The following CNTNAP5 variants were observed in gnomAD, a reference collection of about 807,000 sequenced individuals.
CNTNAP5 encodes contactin associated protein family member 5, also known as contactin-associated protein-like 5.
A neutral mutation model predicts 150.2 loss-of-function variants in CNTNAP5; 72 were observed. The ratio of observed to expected loss-of-function variants is 0.48; its 90% CI spans 0.40 to 0.58. The LOEUF is 0.58. CNTNAP5 is among the 20% of genes least tolerant of loss of function. CNTNAP5 has a pLI of 0.00. For synonymous variants in CNTNAP5, 672 were observed against 619.8 expected (o/e 1.08, Z -1.25); for missense variants, 1,636 against 1,626.2 (o/e 1.01, Z -0.10).
intron 6 of CNTNAP5, among the ~76,000 whole-genome samples, chr2:124,473,467 A>G (rs139523844): frequency 3.3e-5 from 5 of 152,210 alleles, no homozygotes; most frequent in African/African-American, 1.2e-4. Flanking sequence ...AGGATTAATA[A>G]TACTCTTCAC....
chr2:124,659,012 C>T (rs1349103404), intron 13 of CNTNAP5, among the ~76,000 whole-genome samples: 3 of 152,146 alleles, frequency 2.0e-5, no homozygotes, highest in Admixed American at 1.3e-4. Context: ...TTGGTTCAAG[C>T]ACTTGCTCCA....
intron 1 of CNTNAP5, among the ~76,000 whole-genome samples, chr2:124,092,844 C>T (rs1460138339): frequency 1.3e-5 from 2 of 152,062 alleles, no homozygotes; most frequent in Admixed American, 1.3e-4. Context: ...AAATAGTTCA[C>T]AATAATAAAT....
At chr2:124,616,093 A>G (rs1677488355) in intron 12 of CNTNAP5, among the ~76,000 whole-genome samples, 1 of 152,106 alleles carries the variant, frequency 6.6e-6, no homozygotes, top group African/African-American at 2.4e-5. Flanking sequence ...ATTCTTATGG[A>G]TCCTAGGATT....
chr2:124,712,750 T>C (rs1426349554), intron 13 of CNTNAP5, among the ~76,000 whole-genome samples: 2 of 152,018 alleles, frequency 1.3e-5, no homozygotes, highest in Non-Finnish European at 2.9e-5. Flanking sequence ...TCAGCCTTTT[T>C]TTTTTTTCTT....
chr2:124,571,547 T>TTTTTTTTTTTTTTTTTTTTTTTTC (rs1696160943), intron 11 of CNTNAP5, among the ~76,000 whole-genome samples: 1 of 134,388 alleles, frequency 7.4e-6, no homozygotes, highest in Non-Finnish European at 1.6e-5. Context: ...TTTTTTTTTT[T>TTTTTTTTTTTTTTTTTTTTTTTTC]TGAGACAGAG....
At chr2:124,096,237 G>A (rs1376945847) in intron 1 of CNTNAP5, among the ~76,000 whole-genome samples, 2 of 152,044 alleles carry the variant, frequency 1.3e-5, no homozygotes, top group East Asian at 1.9e-4. Flanking sequence ...GTGCTTAGAT[G>A]AATAACCTAC....
intron 3 of CNTNAP5, among the ~76,000 whole-genome samples, chr2:124,349,870 ATTTCTTTTT>A (rs1553460394): frequency 2.7e-5 from 1 of 36,428 alleles, no homozygotes; most frequent in East Asian, 9.3e-4. Flanking sequence ...ACTTCTGGCT[ATTTCTTTTT>A]TTTTTTTTTT....
At chr2:124,720,056 T>C (rs1379519463) in intron 13 of CNTNAP5, among the ~76,000 whole-genome samples, 1 of 152,140 alleles carries the variant, frequency 6.6e-6, no homozygotes, top group Non-Finnish European at 1.5e-5. Context: ...AGCCAGCCAG[T>C]ATGAATGAGA....
intron 10 of CNTNAP5, among the ~76,000 whole-genome samples, chr2:124,540,819 G>A (rs1231719058): frequency 6.6e-6 from 1 of 151,986 alleles, no homozygotes; most frequent in African/African-American, 2.4e-5. Context: ...CTCCATGGAA[G>A]GACACACATT....
At chr2:124,657,181 G>T (rs1281207339) in intron 13 of CNTNAP5, among the ~76,000 whole-genome samples, 3 of 152,102 alleles carry the variant, frequency 2.0e-5, no homozygotes, top group Non-Finnish European at 4.4e-5. Context: ...TAGCTTGGGG[G>T]CACACCTACT....
intron 13 of CNTNAP5, among the ~76,000 whole-genome samples, chr2:124,658,614 C>T (rs571918462): frequency 6.6e-6 from 1 of 152,234 alleles, no homozygotes; most frequent in East Asian, 1.9e-4. Context: ...AACATACTTT[C>T]CTTACCGTGG....
chr2:124,035,737 T>C (rs965901292), intron 1 of CNTNAP5, among the ~76,000 whole-genome samples: 2 of 152,018 alleles, frequency 1.3e-5, no homozygotes, highest in African/African-American at 4.8e-5. Flanking sequence ...ATGACCCAAG[T>C]TTATTAGCTT....
intron 10 of CNTNAP5, among the ~76,000 whole-genome samples, chr2:124,540,236 A>C (rs543942341): frequency 6.6e-6 from 1 of 152,304 alleles, no homozygotes; most frequent in Admixed American, 6.5e-5. Flanking sequence ...GTAGGGGGCT[A>C]TCCCTGCTTT....
chr2:124,387,569 C>T (rs1477491151), intron 3 of CNTNAP5, among the ~76,000 whole-genome samples: 1 of 151,708 alleles, frequency 6.6e-6, no homozygotes, highest in East Asian at 1.9e-4. Flanking sequence ...AGTACATTCT[C>T]AAGGGTGGGG....
At chr2:124,098,004 G>A (rs1057131117) in intron 1 of CNTNAP5, among the ~76,000 whole-genome samples, 6 of 152,040 alleles carry the variant, frequency 3.9e-5, no homozygotes, top group African/African-American at 1.4e-4. Flanking sequence ...CTCCAGCCTG[G>A]GCGACAGAGC....
In CNTNAP5 at chr2:124,757,429, G is replaced by A. The variant is rs115039491; in HGVS notation, c.2235-6243G>A. 4.6e-3 allele frequency among the ~76,000 whole-genome samples: 701 copies of A among 152,250 alleles called. 2 individuals carry two copies. The highest frequency in any genetic ancestry group is 0.01 in the Middle Eastern group (3 of 294). On this transcript the variant is annotated intron_variant, in intron 14 of 23. Coordinates refer to ENST00000682447, the MANE Select transcript of CNTNAP5 (RefSeq NM_001367498.1). Reference sequence around the variant, plus strand: ...TGTGATTCCAGCACAGTCCAGAGGCGGCACAGACTAATGTGAGAAACACCA... The same window carrying A: ...TGTGATTCCAGCACAGTCCAGAGGCAGCACAGACTAATGTGAGAAACACCA...
intron 3 of CNTNAP5, among the ~76,000 whole-genome samples, chr2:124,276,019 GT>G (rs1327971588): frequency 1.3e-5 from 2 of 152,008 alleles, no homozygotes; most frequent in Admixed American, 6.6e-5. Context: ...TTATTTGTTT[GT>G]TTTTTTCCCT....
intron 13 of CNTNAP5, among the ~76,000 whole-genome samples, chr2:124,671,046 G>A (rs894544912): frequency 6.6e-6 from 1 of 152,126 alleles, no homozygotes. Flanking sequence ...ATACCCAACT[G>A]GCAGGGGAGT....
chr2:124,460,256 A>G (rs1416293263), intron 6 of CNTNAP5, among the ~76,000 whole-genome samples: 1 of 152,192 alleles, frequency 6.6e-6, no homozygotes, highest in Admixed American at 6.5e-5. Context: ...AGTAGGACAA[A>G]AAGGAAGAAA....
Sources: allele counts gnomAD v4.1 joint callset (sites outside exome capture counted in the v4.1 genomes callset), GRCh38; gene constraint gnomAD v4.1.1; transcripts MANE v1.5; gene names NCBI Gene and HGNC (gene_info 2026-07-23, HGNC 2026-07-21).